The following LIFR variants were observed in gnomAD, a reference collection of about 807,000 sequenced individuals.
The protein encoded by LIFR is LIF receptor subunit alpha.
Under a neutral mutation model 122.2 loss-of-function variants are expected in LIFR, and 84 were observed. The observed-to-expected ratio is 0.69, with a 90% CI of 0.58 to 0.82. LIFR has a LOEUF of 0.82. LIFR is among the 40% of genes least tolerant of loss of function. The probability of loss-of-function intolerance (pLI) is 0.00; values close to 1 mark genes in which losing one functional copy is unlikely to be tolerated. For missense variants in LIFR, 1,294 were observed against 1,311.6 expected (o/e 0.99, Z 0.21); for synonymous variants, 422 against 434.7 (o/e 0.97, Z 0.36).
At chr5:38,511,222 C>T (rs1482162752) in intron 6 of LIFR, among the ~76,000 whole-genome samples, 1 of 152,144 alleles carries the variant, frequency 6.6e-6, no homozygotes, top group Non-Finnish European at 1.5e-5. Flanking sequence ...TAATCTAGTC[C>T]CCTTCCTTCC....
rs569532711 is a variant in LIFR at position 38,584,498 on chromosome 5, A to G, written c.-20+10763T>C. 1.3e-4 allele frequency among the ~76,000 whole-genome samples: 20 copies of G among 152,300 alleles called. 1 individual carries two copies. Among genetic ancestry groups the G allele is most frequent in the African/African-American group, 4.3e-4 (18 of 41,576 alleles). ...ATGTGGTATATATGCATATACACAC[A>G]TACACAAACACACACACTGGAATAT... On this transcript the variant is annotated intron_variant, in intron 1 of 19. Transcript: ENST00000263409.
At chr5:38,530,068 A>T (rs1340934859) in intron 2 of LIFR, among the ~76,000 whole-genome samples, 1 of 152,200 alleles carries the variant, frequency 6.6e-6, no homozygotes, top group Non-Finnish European at 1.5e-5. Flanking sequence ...CATTGATATG[A>T]CATTCTAAAA....
chr5:38,547,595 T>C (rs926266305), intron 1 of LIFR, among the ~76,000 whole-genome samples: 2 of 152,176 alleles, frequency 1.3e-5, no homozygotes, highest in Non-Finnish European at 2.9e-5. Context: ...TCAAAATATT[T>C]AGAACAGTTG....
At chr5:38,577,737 T>C (rs968650119) in intron 1 of LIFR, among the ~76,000 whole-genome samples, 9 of 152,228 alleles carry the variant, frequency 5.9e-5, no homozygotes, top group African/African-American at 1.4e-4. Flanking sequence ...TTGATCTTCA[T>C]TGGTAACAGA....
intron 1 of LIFR, among the ~76,000 whole-genome samples, chr5:38,552,628 A>G (rs773557720): frequency 6.6e-6 from 1 of 152,232 alleles, no homozygotes. Context: ...ATAAATCACT[A>G]TAATTTACTG....
At chr5:38,554,692 A>C (rs571830339) in intron 1 of LIFR, among the ~76,000 whole-genome samples, 1 of 152,326 alleles carries the variant, frequency 6.6e-6, no homozygotes, top group East Asian at 1.9e-4. Flanking sequence ...GAATGTTTAC[A>C]TGAGCATAGG....
At chr5:38,527,422 G>A in intron 3 of LIFR, 128 bp from the exon 4 acceptor site, 1 of 646,922 alleles carries the variant, frequency 1.5e-6, no homozygotes, top group Non-Finnish European at 2.7e-6. Context: ...ATGATAGGTT[G>A]TACCGCATTT....
intron 1 of LIFR, among the ~76,000 whole-genome samples, chr5:38,591,164 T>A (rs966099756): frequency 1.3e-5 from 2 of 152,250 alleles, no homozygotes; most frequent in Non-Finnish European, 2.9e-5. Flanking sequence ...AAGCAAGGTT[T>A]AGGGAGAGAC....
At chr5:38,555,965 G>A (rs1319613548) in intron 1 of LIFR, among the ~76,000 whole-genome samples, 1 of 152,200 alleles carries the variant, frequency 6.6e-6, no homozygotes, top group African/African-American at 2.4e-5. Context: ...ATACAGAAAG[G>A]ACGAGGAACA....
At chr5:38,605,958 G>A (rs1388434036) in intron 2 of LIFR, among the ~76,000 whole-genome samples, 1 of 152,138 alleles carries the variant, frequency 6.6e-6, no homozygotes, top group Non-Finnish European at 1.5e-5. Flanking sequence ...TCGTCGTCAG[G>A]ACCTCCTGAG....
rs762689948 is a variant in LIFR at position 38,527,280 on chromosome 5, T to C, written c.272A>G (p.Tyr91Cys). 2 of 1,583,328 alleles carry C rather than the reference T, an allele frequency of 1.3e-6. No homozygotes were observed. The highest frequency in any genetic ancestry group is 2.2e-5 in the South Asian group (2 of 89,886). ...TTTAATACTGGTTTTCTCCAACTGA[T>C]AACAAGAACGGGACCTGTAATAAGA... ...VCIENRSRSC[Y>C]QLEKTSIKIP... Residue 91 changes from tyrosine to cysteine, a missense_variant, in exon 4 of 20, where the codon TAT becomes TGT. Tyr to Cys is a radical substitution (Grantham distance 194). Transcript: ENST00000453190.
At chr5:38,592,599 G>T (rs1419109618) in intron 1 of LIFR, among the ~76,000 whole-genome samples, 1 of 150,204 alleles carries the variant, frequency 6.7e-6, no homozygotes, top group African/African-American at 2.5e-5. Flanking sequence ...GGAGATTGCA[G>T]CGAGCTGAGA....
chr5:38,507,288 G>A (rs1024027268), intron 7 of LIFR, among the ~76,000 whole-genome samples: 1 of 151,126 alleles, frequency 6.6e-6, no homozygotes, highest in Non-Finnish European at 1.5e-5. Flanking sequence ...ATGAGCCCAG[G>A]TGCAGTGGCT....
intron 1 of LIFR, among the ~76,000 whole-genome samples, chr5:38,590,624 C>CCAT (rs1402623247): frequency 6.6e-6 from 1 of 152,146 alleles, no homozygotes; most frequent in Non-Finnish European, 1.5e-5. Context: ...TCCACCGCCA[C>CCAT]CATCATCATC....
intron 4 of LIFR, among the ~76,000 whole-genome samples, chr5:38,526,829 T>C (rs1427507758): frequency 1.3e-5 from 2 of 152,164 alleles, no homozygotes; most frequent in African/African-American, 2.4e-5. Context: ...ATTCTAATAC[T>C]GTCATTTTTC....
upstream of LIFR, among the ~76,000 whole-genome samples, chr5:38,595,971 C>T (rs574335945): frequency 2.9e-3 from 440 of 151,552 alleles, 3 homozygotes; most frequent in African/African-American, 0.01. Context: ...CTCCTGACCT[C>T]GTGATCCACC....
At chr5:38,514,684 C>T (rs375983674) in intron 5 of LIFR, among the ~76,000 whole-genome samples, 27 of 152,296 alleles carry the variant, frequency 1.8e-4, no homozygotes, top group South Asian at 1.2e-3. Context: ...CTCTATTCAT[C>T]GCTCCACATC....
chr5:38,560,550 C>T (rs902283506), upstream of LIFR, among the ~76,000 whole-genome samples: 1 of 151,514 alleles, frequency 6.6e-6, no homozygotes, highest in Non-Finnish European at 1.5e-5. Context: ...ATATCTCTAG[C>T]TTGGCCCCAA....
At chr5:38,601,356 C>G (rs537871059) in intron 2 of LIFR, among the ~76,000 whole-genome samples, 29 of 152,180 alleles carry the variant, frequency 1.9e-4, no homozygotes, top group Non-Finnish European at 3.4e-4. Flanking sequence ...CTTAAGCCAC[C>G]CAGTCTGTGG....
Sources: allele counts gnomAD v4.1 joint callset (sites outside exome capture counted in the v4.1 genomes callset), GRCh38; gene constraint gnomAD v4.1.1; transcripts MANE v1.5; gene names NCBI Gene and HGNC (gene_info 2026-07-23, HGNC 2026-07-21).